RALGDS: variants seen among roughly 807,000 people sequenced by gnomAD.
RALGDS encodes ral guanine nucleotide exchange factor.
Under a neutral mutation model 99.8 loss-of-function variants are expected in RALGDS, and 44 were observed. That is an observed-to-expected ratio of 0.44 (90% CI 0.35 to 0.57). RALGDS has a LOEUF of 0.57. Ranked by LOEUF, RALGDS falls within the 20% of genes least tolerant of loss-of-function variation. The pLI is 0.01. For missense variants in RALGDS, 1,022 were observed against 1,203.1 expected (o/e 0.85, Z 2.23); for synonymous variants, 529 against 505.0 (o/e 1.05, Z -0.64).
At chr9:133,132,798 C>T (rs1832362611), upstream of RALGDS, among the ~76,000 whole-genome samples, 1 of 152,170 alleles carries the variant, frequency 6.6e-6, no homozygotes, top group South Asian at 2.1e-4. Context: ...CGGCACCACG[C>T]CCAGCTAATT....
chr9:133,114,314 A>G (rs1831490047), intron 1 of RALGDS, among the ~76,000 whole-genome samples: 1 of 152,208 alleles, frequency 6.6e-6, no homozygotes, highest in Non-Finnish European at 1.5e-5. Context: ...AGCAGCAGGC[A>G]TGGAACCAGA....
chr9:133,107,399 G>A, intron 6 of RALGDS, 99 bp from the exon 7 acceptor site: 2 of 1,087,318 alleles, frequency 1.8e-6, no homozygotes, highest in Non-Finnish European at 2.7e-6. Context: ...GGATCTCTGG[G>A]TTTTATCCCG....
At chr9:133,129,027 G>C in intron 1 of RALGDS, 1 of 1,315,972 alleles carries the variant, frequency 7.6e-7, no homozygotes. Context: ...CCTCCAACCA[G>C]TTCTGGCAGG....
At chr9:133,124,431 C>A (rs1564248074), upstream of RALGDS, among the ~76,000 whole-genome samples, 1 of 152,096 alleles carries the variant, frequency 6.6e-6, no homozygotes, top group Non-Finnish European at 1.5e-5. Context: ...GCCTGTAACC[C>A]AGAGCTTAGG....
At chr9:133,102,999 AC>A in intron 12 of RALGDS, 99 bp from the exon 13 acceptor site, 1 of 1,533,066 alleles carries the variant, frequency 6.5e-7, no homozygotes, top group Non-Finnish European at 8.8e-7. Context: ...CCTCCCCTCT[AC>A]TCCCATCCAG....
chr9:133,146,114 G>A (rs74612922), intron 1 of RALGDS, among the ~76,000 whole-genome samples: 279 of 152,262 alleles, frequency 1.8e-3, no homozygotes, highest in African/African-American at 6.4e-3. Flanking sequence ...ATCAGATATC[G>A]GCCCCCTGTG....
At chr9:133,148,038 G>A (rs1383424942) in intron 1 of RALGDS, among the ~76,000 whole-genome samples, 5 of 152,086 alleles carry the variant, frequency 3.3e-5, no homozygotes, top group African/African-American at 1.2e-4. Flanking sequence ...ACCACCCCAG[G>A]CCCTCAGCCC....
Position 133,098,405 on chromosome 9 carries a change from C to T in RALGDS, c.*182G>A, listed in dbSNP as rs1349893163. On this transcript the variant is annotated 3_prime_UTR_variant, in exon 18 of 18. Transcript: ENST00000372050. ...GGCACCTAAGGCAGCGAGTGGTCCACGGGAGGCCAGGTCAGCCTGACCAAT... is the reference window on the plus strand; with the variant it reads ...GGCACCTAAGGCAGCGAGTGGTCCATGGGAGGCCAGGTCAGCCTGACCAAT... 1.2e-5 allele frequency: 8 copies of T among 662,698 alleles called. No individual in the cohort carries two copies. The highest frequency in any genetic ancestry group is 3.6e-5 in the South Asian group (2 of 54,830). The allele number at this position is 662,698 out of a possible 1,614,324, so 41.1% of individuals were successfully genotyped here.
chr9:133,113,560 C>G (rs991324335), intron 1 of RALGDS, among the ~76,000 whole-genome samples: 5 of 152,234 alleles, frequency 3.3e-5, no homozygotes, highest in African/African-American at 1.2e-4. Context: ...CACCCACACC[C>G]CACAAACAGC....
chr9:133,138,628 G>A (rs1413274988), intron 1 of RALGDS, among the ~76,000 whole-genome samples: 3 of 152,152 alleles, frequency 2.0e-5, no homozygotes, highest in Admixed American at 1.3e-4. Flanking sequence ...TCACGGCTCC[G>A]GCCTGGGCCT....
intron 1 of RALGDS, among the ~76,000 whole-genome samples, chr9:133,120,213 C>T (rs373181803): frequency 5.9e-5 from 9 of 152,294 alleles, no homozygotes; most frequent in African/African-American, 2.2e-4. Context: ...AACAAGCCCC[C>T]GCCCTCACCT....
Position 133,111,921 on chromosome 9 carries a change from G to A in RALGDS, c.294+121C>T, listed in dbSNP as rs1388446579. The A allele has an allele frequency of 3.9e-6, 3 of 760,228 alleles. No homozygotes were observed. In the East Asian group the frequency reaches 8.1e-5, roughly 20 times the overall value. 47.1% of individuals were successfully genotyped at this position (760,228 alleles called of 1,614,324 possible). A position where few individuals can be genotyped will look rare whatever the true frequency, so the allele number is the denominator to read the frequency against. On this transcript the variant is annotated intron_variant, in intron 2 of 17. Transcript: ENST00000372050. ...CCCGATTAAGCCTGGGCTGGACAGT[G>A]GGGGTCGGGAAGGGAGTGAAGGCCG...
At chr9:133,106,852 C>T (rs1831087550) in intron 7 of RALGDS, 104 bp from the exon 8 acceptor site, 1 of 1,000,538 alleles carries the variant, frequency 1.0e-6, no homozygotes, top group African/African-American at 1.6e-5. Context: ...GACAGACACC[C>T]AGGGAGTCCC....
intron 9 of RALGDS, 30 bp downstream of exon 9, chr9:133,105,899 CCCA>C (rs1831027239): frequency 2.0e-6 from 1 of 497,806 alleles, no homozygotes; most frequent in African/African-American, 2.6e-5. Context: ...CAGCCCCCGC[CCCA>C]GCCCCCGCCC....
At chr9:133,117,623 C>A (rs547546841) in intron 1 of RALGDS, among the ~76,000 whole-genome samples, 1 of 152,382 alleles carries the variant, frequency 6.6e-6, no homozygotes, top group African/African-American at 2.4e-5. Context: ...AGGCTGCATG[C>A]ATCAGTGTCT....
Position 133,104,351 on chromosome 9 carries a change from G to T in RALGDS, c.1603-20C>A. ...GCCCTCCTGCCAGGGTAGAGGACAG[G>T]GTCAGCAAGGCCCTATCCCCTCAGC... On this transcript the variant is annotated intron_variant, in intron 9 of 17. Coordinates refer to ENST00000372050, the MANE Select transcript of RALGDS (RefSeq NM_006266.4). 1.2e-6 allele frequency: 2 copies of T among 1,600,990 alleles called. No individual in the cohort carries two copies. Among genetic ancestry groups the T allele is most frequent in the Non-Finnish European group, 1.7e-6 (2 of 1,168,240 alleles).
At chr9:133,107,414 C>G in intron 6 of RALGDS, 114 bp from the exon 7 acceptor site, 1 of 962,970 alleles carries the variant, frequency 1.0e-6, no homozygotes, top group East Asian at 2.6e-5. Context: ...ATCCCGTGTC[C>G]ATGCAGGGTG....
intron 1 of RALGDS, among the ~76,000 whole-genome samples, chr9:133,140,003 C>T (rs1022395324): frequency 6.6e-6 from 1 of 152,086 alleles, no homozygotes; most frequent in Non-Finnish European, 1.5e-5. Flanking sequence ...AACTTCCCTG[C>T]GGCTGCTGTT....
chr9:133,102,935 G>GC (rs772387300), intron 12 of RALGDS, 35 bp from the exon 13 acceptor site: 9 of 1,610,418 alleles, frequency 5.6e-6, no homozygotes, highest in African/African-American at 1.3e-5. Context: ...CGGTGACAAG[G>GC]CCCCCCGGGC....
Sources: allele counts gnomAD v4.1 joint callset (sites outside exome capture counted in the v4.1 genomes callset), GRCh38; gene constraint gnomAD v4.1.1; transcripts MANE v1.5; gene names NCBI Gene and HGNC (gene_info 2026-07-23, HGNC 2026-07-21).